NDUFAB1: variants seen among roughly 807,000 people sequenced by gnomAD.
The protein encoded by NDUFAB1 is NADH:ubiquinone oxidoreductase subunit AB1, also known as acyl carrier protein, mitochondrial.
A neutral mutation model predicts 16.1 loss-of-function variants in NDUFAB1; 5 were observed. That is an observed-to-expected ratio of 0.31 (90% CI 0.16 to 0.65). The LOEUF is 0.65. Ranked by LOEUF, NDUFAB1 falls within the 30% of genes least tolerant of loss-of-function variation. NDUFAB1 has a pLI of 0.77. For missense variants in NDUFAB1, 187 were observed against 205.3 expected (o/e 0.91, Z 0.54); for synonymous variants, 85 against 78.4 (o/e 1.08, Z -0.44).
intron 3 of NDUFAB1, among the ~76,000 whole-genome samples, chr16:23,583,750 A>G (rs1296968873): frequency 7.0e-6 from 1 of 142,134 alleles, no homozygotes; most frequent in Non-Finnish European, 1.5e-5. Context: ...CCGCCCCGTC[A>G]GGGAGGTGTA....
In NDUFAB1 at chr16:23,596,116, G is replaced by A. The variant is rs1049821423; in HGVS notation, c.168+7C>T. On this transcript the variant is annotated splice_region_variant and intron_variant, in intron 1 of 4. Coordinates refer to ENST00000007516, the MANE Select transcript of NDUFAB1 (RefSeq NM_005003.3). The stretch of plus-strand genomic sequence containing the variant: ...TGCCAAGCGGCAGCAAAGTCACCAC[G>A]AGTCACCTGCGCGAGCACTAAGGCC... 2.5e-6 allele frequency: 4 copies of A among 1,603,838 alleles called. No individual in the cohort carries two copies. The highest frequency in any genetic ancestry group is 2.3e-5 in the East Asian group (1 of 43,718).
intron 4 of NDUFAB1, 113 bp downstream of exon 4, chr16:23,582,163 A>G (rs1454008371): frequency 7.9e-7 from 1 of 1,261,502 alleles, no homozygotes; most frequent in African/African-American, 1.6e-5. Flanking sequence ...GCATTTTATA[A>G]GTAGTGAAAA....
chr16:23,588,941 C>G (rs1206128708), intron 1 of NDUFAB1, among the ~76,000 whole-genome samples: 1 of 151,682 alleles, frequency 6.6e-6, no homozygotes, highest in East Asian at 1.9e-4. Context: ...TGCCACTGCA[C>G]TCCACCTTGG....
At chr16:23,582,816 C>T (rs1430608861) in intron 3 of NDUFAB1, among the ~76,000 whole-genome samples, 1 of 118,600 alleles carries the variant, frequency 8.4e-6, no homozygotes. Flanking sequence ...CCCACGGTCT[C>T]CCTCTCCCTC....
intron 1 of NDUFAB1, among the ~76,000 whole-genome samples, chr16:23,595,875 A>C (rs1966320955): frequency 6.6e-6 from 1 of 152,234 alleles, no homozygotes; most frequent in Admixed American, 6.5e-5. Flanking sequence ...AGACTTGTCC[A>C]AAGTTTCGGT....
At chr16:23,596,011 C>G in intron 1 of NDUFAB1, 112 bp downstream of exon 1, 1 of 1,299,474 alleles carries the variant, frequency 7.7e-7, no homozygotes, top group Non-Finnish European at 1.0e-6. Flanking sequence ...GAGCCGGCTG[C>G]CCCCCGGGTC....
At chr16:23,595,474 C>T (rs1966316247) in intron 1 of NDUFAB1, 1 of 424,890 alleles carries the variant, frequency 2.4e-6, no homozygotes, top group Non-Finnish European at 4.7e-6. Flanking sequence ...AAGAGCCTGC[C>T]CTCCTTATAC....
chr16:23,588,609 T>C (rs1014599396), intron 1 of NDUFAB1, among the ~76,000 whole-genome samples: 3 of 152,212 alleles, frequency 2.0e-5, no homozygotes, highest in Admixed American at 6.5e-5. Flanking sequence ...CAAAGGTCCA[T>C]GAAAAATCAT....
intron 2 of NDUFAB1, among the ~76,000 whole-genome samples, chr16:23,586,514 T>C (rs951430442): frequency 6.6e-6 from 1 of 151,346 alleles, no homozygotes; most frequent in Non-Finnish European, 1.5e-5. Context: ...TGTGTATTTT[T>C]AGTAGAGATG....
chr16:23,595,316 C>A, intron 1 of NDUFAB1: 1 of 295,262 alleles, frequency 3.4e-6, no homozygotes, highest in East Asian at 1.0e-4. Context: ...GGCGTTTCAG[C>A]CTCACGCAGA....
At chr16:23,593,849 C>CTTATTTATTTATTTAT (rs57003710) in intron 1 of NDUFAB1, among the ~76,000 whole-genome samples, 5 of 143,520 alleles carry the variant, frequency 3.5e-5, no homozygotes, top group African/African-American at 5.2e-5. Flanking sequence ...CTTTTTAACC[C>CTTATTTATTTATTTAT]TTATTTATTT....
chr16:23,587,324 A>G lies in NDUFAB1; in HGVS notation c.169-5T>C. 3 of 1,612,946 alleles carry G rather than the reference A, an allele frequency of 1.9e-6. No homozygotes were observed. Among genetic ancestry groups the G allele is most frequent in the Non-Finnish European group, 2.5e-6 (3 of 1,179,622 alleles). Reference sequence around the variant, plus strand: ...CTGTGTAACTCTACCAGGAACCTAGAGCGACGGCAGGAAGGAAACACTGTC... The same window carrying G: ...CTGTGTAACTCTACCAGGAACCTAGGGCGACGGCAGGAAGGAAACACTGTC... On this transcript the variant is annotated splice_polypyrimidine_tract_variant and splice_region_variant and intron_variant, in intron 1 of 4. Coordinates refer to ENST00000007516, the MANE Select transcript of NDUFAB1 (RefSeq NM_005003.3).
At chr16:23,589,143 T>C (rs1966257642) in intron 1 of NDUFAB1, among the ~76,000 whole-genome samples, 1 of 149,460 alleles carries the variant, frequency 6.7e-6, no homozygotes, top group South Asian at 2.1e-4. Context: ...ACCAAAAATA[T>C]AAGTTAGCTG....
At position 23,585,373 on chromosome 16, in the gene NDUFAB1, G is replaced by A. The variant is rs745974193; in HGVS notation, c.342C>T (p.Asp114=). 2 of 1,613,876 alleles carry A rather than the reference G, an allele frequency of 1.2e-6. No homozygotes were observed. The highest frequency in any genetic ancestry group is 1.7e-6 in the Non-Finnish European group (2 of 1,179,852). Residue 114 remains aspartate, a synonymous_variant, in exon 3 of 5, where the codon GAC becomes GAT. Coordinates refer to ENST00000007516, the MANE Select transcript of NDUFAB1 (RefSeq NM_005003.3). Reference sequence around the variant, plus strand: ...CCATGGCCATGATAATCTCCACTTGGTCCAAACTGTCTAAGCCCAGGTCTT... The same window carrying A: ...CCATGGCCATGATAATCTCCACTTGATCCAAACTGTCTAAGCCCAGGTCTT... ...FMKDLGLDSL[D]QVEIIMAMED...
At chr16:23,584,090 A>C (rs1440385534) in intron 3 of NDUFAB1, among the ~76,000 whole-genome samples, 6 of 151,108 alleles carry the variant, frequency 4.0e-5, no homozygotes, top group African/African-American at 1.5e-4. Flanking sequence ...ACCACTCCCT[A>C]ATCTCAAGTA....
chr16:23,585,388 G>A lies in NDUFAB1; in HGVS notation c.327C>T (p.Gly109=), dbSNP rs776050750. 2 of 1,613,928 alleles carry A rather than the reference G, an allele frequency of 1.2e-6. No individual in the cohort carries two copies. The highest frequency in any genetic ancestry group is 2.2e-5 in the East Asian group (1 of 44,884). Residue 109 remains glycine (G), a synonymous_variant, in exon 3 of 5, where the codon GGC becomes GGT. Transcript: ENST00000007516. ...SVNSHFMKDL[G]LDSLDQVEII... The stretch of plus-strand genomic sequence containing the variant: ...TCTCCACTTGGTCCAAACTGTCTAA[G>A]CCCAGGTCTTTCATAAAATGAGAAT...
At chr16:23,583,157 C>T (rs1426561655) in intron 3 of NDUFAB1, among the ~76,000 whole-genome samples, 4 of 152,230 alleles carry the variant, frequency 2.6e-5, no homozygotes, top group Admixed American at 6.5e-5. Context: ...GGCGTGATCT[C>T]GGCTAGCTAC....
chr16:23,595,486 C>T (rs536054212), intron 1 of NDUFAB1: 4 of 434,192 alleles, frequency 9.2e-6, no homozygotes, highest in South Asian at 3.3e-5. Flanking sequence ...TCCTTATACG[C>T]GGGGCGGCAC....
At position 23,596,295 on chromosome 16, in the gene NDUFAB1, A is replaced by G; in HGVS notation, c.-5T>C. The stretch of plus-strand genomic sequence containing the variant: ...TGAAAGGACACGAGACGCCATGGCT[A>G]CGCCAACCCAGGATGCACTGCGCCG... On this transcript the variant is annotated 5_prime_UTR_variant, in exon 1 of 5. Transcript: ENST00000007516. The G allele has an allele frequency of 6.4e-7, 1 of 1,551,224 alleles. No homozygotes were observed. The highest frequency in any genetic ancestry group is 8.7e-7 in the Non-Finnish European group (1 of 1,150,558).
Sources: allele counts gnomAD v4.1 joint callset (sites outside exome capture counted in the v4.1 genomes callset), GRCh38; gene constraint gnomAD v4.1.1; transcripts MANE v1.5; gene names NCBI Gene and HGNC (gene_info 2026-07-23, HGNC 2026-07-21).